The following CELF2 variants were observed in gnomAD, a reference collection of about 807,000 sequenced individuals.
The protein encoded by CELF2 is CUG triplet repeat RNA-binding protein 2.
Under a neutral mutation model 62.6 loss-of-function variants are expected in CELF2, and 8 were observed. The observed-to-expected ratio is 0.13, with a 90% confidence interval of 0.07 to 0.23. The LOEUF (loss-of-function observed/expected upper bound fraction) is 0.23, where lower values mean the gene tolerates loss of function less well. Ranked by LOEUF, CELF2 falls within the 10% of genes least tolerant of loss-of-function variation. The probability of loss-of-function intolerance (pLI) is 1.00; values close to 1 mark genes in which losing one functional copy is unlikely to be tolerated. For synonymous variants in CELF2, 258 were observed against 250.0 expected (o/e 1.03, Z -0.30); for missense variants, 333 against 671.0 (o/e 0.50, Z 5.56).
At position 11,314,389 on chromosome 10, in the gene CELF2, G is replaced by A. The variant is rs927771181; in HGVS notation, c.1096+131G>A. 18 of 1,240,324 alleles carry A rather than the reference G, an allele frequency of 1.5e-5. No homozygotes were observed. Among genetic ancestry groups the A allele is most frequent in the Non-Finnish European group, 2.0e-5 (17 of 855,640 alleles). The allele number at this position is 1,240,324 out of a possible 1,614,324, so 76.8% of individuals were successfully genotyped here. ...GAGAACTAAAACTTGGGATGGAGGAGCACATGCTTTGATAGGCAAAAGCTG... is the reference window on the plus strand; with the variant it reads ...GAGAACTAAAACTTGGGATGGAGGAACACATGCTTTGATAGGCAAAAGCTG... On this transcript the variant is annotated intron_variant, in intron 10 of 12. Coordinates refer to ENST00000633077, the MANE Select transcript of CELF2 (RefSeq NM_001326342.2). This position sits in a 1 kb window ranked among gnomAD's most constrained non-coding sequence, Gnocchi z 5.3.
chr10:10,805,294 A>C (rs1383744549), intron 1 of CELF2, among the ~76,000 whole-genome samples: 1 of 152,236 alleles, frequency 6.6e-6, no homozygotes, highest in African/African-American at 2.4e-5. Flanking sequence ...GTGACACCAC[A>C]TACTTTTCTG....
At chr10:10,649,458 G>T in the CELF2 span, among the ~76,000 whole-genome samples, 1 of 151,910 alleles carries the variant, frequency 6.6e-6, no homozygotes, top group Non-Finnish European at 1.5e-5. Context: ...CCTCTGGGGG[G>T]AAAAAATGGG....
chr10:10,513,511 A>G, the CELF2 span, among the ~76,000 whole-genome samples: 1 of 152,148 alleles, frequency 6.6e-6, no homozygotes. Context: ...TCCAATATAA[A>G]CTGGGGAAGA....
the CELF2 span, among the ~76,000 whole-genome samples, chr10:10,535,259 A>G: frequency 6.6e-6 from 1 of 152,204 alleles, no homozygotes; most frequent in African/African-American, 2.4e-5. Flanking sequence ...TGGGAACAGG[A>G]TGAACACCTA....
chr10:11,306,485 C>T lies in CELF2; in HGVS notation c.977-7654C>T, dbSNP rs182745475. Among the ~76,000 whole-genome samples the T allele has an allele frequency of 3.0e-4, 46 of 152,126 alleles. No homozygotes were observed. The highest frequency in any genetic ancestry group is 5.7e-4 in the Non-Finnish European group (39 of 67,994). ...CTTTCTCAATTGTGCATCTGCTGAA[C>T]GGTCAGTCTTTAGGTACTTGATCAA... On this transcript the variant is annotated intron_variant, in intron 9 of 12. Coordinates refer to ENST00000633077, the MANE Select transcript of CELF2 (RefSeq NM_001326342.2). This position sits in a 1 kb window ranked among gnomAD's most constrained non-coding sequence, Gnocchi z 4.4.
intron 1 of CELF2, among the ~76,000 whole-genome samples, chr10:11,094,535 A>G (rs2049225147): frequency 6.6e-6 from 1 of 152,246 alleles, no homozygotes; most frequent in Non-Finnish European, 1.5e-5. Flanking sequence ...AGTGGTCGAC[A>G]ATAAGGCTTC....
chr10:10,857,969 A>G (rs1397866367), intron 1 of CELF2, among the ~76,000 whole-genome samples: 1 of 151,986 alleles, frequency 6.6e-6, no homozygotes, highest in Non-Finnish European at 1.5e-5. Context: ...AGCAGTTTAG[A>G]AACTGCAGAG....
intron 1 of CELF2, among the ~76,000 whole-genome samples, chr10:10,834,425 A>G (rs1033779513): frequency 6.6e-6 from 1 of 152,192 alleles, no homozygotes; most frequent in Admixed American, 6.5e-5. Flanking sequence ...AAGTTTACCT[A>G]TATAGCAAAC....
the CELF2 span, among the ~76,000 whole-genome samples, chr10:10,540,285 C>A: frequency 6.6e-6 from 1 of 152,154 alleles, no homozygotes; most frequent in African/African-American, 2.4e-5. Context: ...GGAACAGGTT[C>A]GACTGAGCAT....
At chr10:10,524,794 A>G in the CELF2 span, among the ~76,000 whole-genome samples, 2 of 152,090 alleles carry the variant, frequency 1.3e-5, no homozygotes, top group Admixed American at 1.3e-4. Context: ...GGATGAAATG[A>G]GTTTTTGTTT....
At chr10:10,829,980 A>G (rs939396292) in intron 1 of CELF2, among the ~76,000 whole-genome samples, 2 of 151,956 alleles carry the variant, frequency 1.3e-5, no homozygotes, top group Non-Finnish European at 2.9e-5. Flanking sequence ...CCCCTGGCCA[A>G]GTTCTCTTCC....
At chr10:10,743,290 C>T in the CELF2 span, among the ~76,000 whole-genome samples, 5 of 152,232 alleles carry the variant, frequency 3.3e-5, no homozygotes, top group East Asian at 5.8e-4. Context: ...TCTTTAGAAG[C>T]GAAGCAAGTT....
At position 10,996,484 on chromosome 10, in the gene CELF2, G is replaced by T. The variant is rs73571651; in HGVS notation, c.89+76485G>T. ...TGCAGGCCCATGCTAGGCTGCCTTC[G>T]TGGGTTACTGCCCCAGTTCCCAACT... On this transcript the variant is annotated intron_variant, in intron 2 of 13. Coordinates refer to the CELF2 transcript ENST00000636488. 7.8e-3 allele frequency among the ~76,000 whole-genome samples: 1,186 copies of T among 152,252 alleles called. 18 individuals are homozygous for T. Among genetic ancestry groups the T allele is most frequent in the African/African-American group, 0.026 (1,087 of 41,542 alleles).
At chr10:10,692,167 T>C in the CELF2 span, among the ~76,000 whole-genome samples, 10 of 149,304 alleles carry the variant, frequency 6.7e-5, no homozygotes, top group African/African-American at 2.4e-4. Flanking sequence ...CTTTAATCCA[T>C]CTTGAATTGA....
At chr10:10,505,620 G>A in the CELF2 span, among the ~76,000 whole-genome samples, 2 of 152,030 alleles carry the variant, frequency 1.3e-5, no homozygotes, top group Non-Finnish European at 2.9e-5. Flanking sequence ...CACCCCCCTG[G>A]GGCCCTGGAA....
chr10:10,672,019 C>G, the CELF2 span, among the ~76,000 whole-genome samples: 1 of 152,112 alleles, frequency 6.6e-6, no homozygotes, highest in African/African-American at 2.4e-5. Context: ...TGTAAGCCAC[C>G]GTGCCCAGCC....
At chr10:10,894,106 T>C (rs111413795) in intron 1 of CELF2, among the ~76,000 whole-genome samples, 13 of 151,954 alleles carry the variant, frequency 8.6e-5, no homozygotes, top group Admixed American at 3.3e-4. Context: ...ACCTGATTCT[T>C]ATGGGACAGG....
the CELF2 span, among the ~76,000 whole-genome samples, chr10:10,641,429 G>A: frequency 6.6e-6 from 1 of 151,930 alleles, no homozygotes; most frequent in Non-Finnish European, 1.5e-5. Flanking sequence ...TTGCTACAGA[G>A]GTTTTTTTTT....
At chr10:10,668,225 T>C in the CELF2 span, among the ~76,000 whole-genome samples, 2 of 152,222 alleles carry the variant, frequency 1.3e-5, no homozygotes, top group African/African-American at 2.4e-5. Flanking sequence ...CGTGTAATCA[T>C]CCGTGAAATC....
Sources: allele counts gnomAD v4.1 joint callset (sites outside exome capture counted in the v4.1 genomes callset), GRCh38; gene constraint gnomAD v4.1.1; non-coding constraint Gnocchi (gnomAD v3.1); transcripts MANE v1.5; gene names NCBI Gene and HGNC (gene_info 2026-07-23, HGNC 2026-07-21).